THEMIS: variants seen among roughly 807,000 people sequenced by gnomAD.
THEMIS encodes thymocyte selection associated, also known as protein THEMIS.
In THEMIS, 37 loss-of-function variants were observed where a neutral mutation model predicts 52.6. That is an observed-to-expected ratio of 0.70 (90% CI 0.54 to 0.93). THEMIS has a LOEUF of 0.93. THEMIS is among the 40% of genes least tolerant of loss of function. THEMIS has a pLI of 0.00. For missense variants in THEMIS, 808 were observed against 763.1 expected (o/e 1.06, Z -0.69); for synonymous variants, 292 against 272.7 (o/e 1.07, Z -0.70).
At chr6:127,898,302 G>C (rs1355290804) in intron 1 of THEMIS, among the ~76,000 whole-genome samples, 1 of 64,378 alleles carries the variant, frequency 1.6e-5, no homozygotes, top group Non-Finnish European at 2.7e-5. Context: ...GACACATAGA[G>C]GGACACTACA....
chr6:127,807,250 A>T (rs1777746144), intron 4 of THEMIS: 1 of 202,392 alleles, frequency 4.9e-6, no homozygotes, highest in African/African-American at 2.4e-5. Context: ...AATCCCAGCT[A>T]CGTGGGAGGC....
downstream of THEMIS, among the ~76,000 whole-genome samples, chr6:127,703,209 G>T (rs759019579): frequency 1.9e-4 from 28 of 151,192 alleles, 1 homozygote; most frequent in African/African-American, 6.8e-4. Flanking sequence ...CACTACGCCC[G>T]GCTAATTTTT....
At chr6:127,776,382 C>T (rs548320018) in intron 4 of THEMIS, among the ~76,000 whole-genome samples, 1 of 152,314 alleles carries the variant, frequency 6.6e-6, no homozygotes, top group Non-Finnish European at 1.5e-5. Context: ...ACTACAGCTT[C>T]TGTCTTAGAT....
At chr6:127,821,207 A>G (rs77044914) in intron 3 of THEMIS, among the ~76,000 whole-genome samples, 2,846 of 151,846 alleles carry the variant, frequency 0.019, 96 homozygotes, top group African/African-American at 0.065. Flanking sequence ...AAATTTTTTA[A>G]ACAAGCATTT....
At chr6:127,774,895 C>T (rs1015567864) in intron 4 of THEMIS, among the ~76,000 whole-genome samples, 12 of 152,082 alleles carry the variant, frequency 7.9e-5, no homozygotes, top group African/African-American at 2.9e-4. Flanking sequence ...GATCAGAAGA[C>T]CATCAAATAA....
intron 4 of THEMIS, among the ~76,000 whole-genome samples, chr6:127,796,164 A>G (rs557501452): frequency 2.6e-5 from 4 of 152,320 alleles, no homozygotes; most frequent in Admixed American, 2.6e-4. Context: ...ATTTTAATGC[A>G]TTTGATTTAT....
chr6:127,860,148 C>A (rs1013567697), intron 1 of THEMIS, among the ~76,000 whole-genome samples: 3 of 152,058 alleles, frequency 2.0e-5, no homozygotes, highest in African/African-American at 7.2e-5. Context: ...TTTATATGGC[C>A]AGTCTTCCAC....
intron 2 of THEMIS, among the ~76,000 whole-genome samples, chr6:127,850,482 G>A (rs1029137021): frequency 6.6e-6 from 1 of 151,724 alleles, no homozygotes; most frequent in African/African-American, 2.4e-5. Context: ...ATATGGAACT[G>A]ACCTAACTGT....
chr6:127,837,116 GC>G (rs1778897295), intron 2 of THEMIS, among the ~76,000 whole-genome samples: 1 of 152,110 alleles, frequency 6.6e-6, no homozygotes, highest in South Asian at 2.1e-4. Flanking sequence ...CTGTCTGGCA[GC>G]CCTGGATATG....
intron 3 of THEMIS, among the ~76,000 whole-genome samples, chr6:127,814,214 T>C (rs560282068): frequency 2.6e-5 from 4 of 152,336 alleles, no homozygotes; most frequent in African/African-American, 9.6e-5. Context: ...TCACTTCTAC[T>C]GACGTACGAT....
chr6:127,889,103 T>C (rs1351633827), intron 1 of THEMIS, among the ~76,000 whole-genome samples: 1 of 152,126 alleles, frequency 6.6e-6, no homozygotes, highest in African/African-American at 2.4e-5. Flanking sequence ...CTGCTAATTA[T>C]AGTCACTTAG....
At chr6:127,856,500 C>T (rs966184655) in intron 1 of THEMIS, among the ~76,000 whole-genome samples, 5 of 151,950 alleles carry the variant, frequency 3.3e-5, no homozygotes, top group South Asian at 2.1e-4. Flanking sequence ...CTGCCAGAAG[C>T]CAGAGGACAA....
At chr6:127,697,155 T>C in the THEMIS span, among the ~76,000 whole-genome samples, 1 of 152,108 alleles carries the variant, frequency 6.6e-6, no homozygotes, top group Non-Finnish European at 1.5e-5. Flanking sequence ...CTGAGAATAA[T>C]TCCCAAATCA....
intron 4 of THEMIS, among the ~76,000 whole-genome samples, chr6:127,736,310 GTCTC>G (rs935857621): frequency 1.3e-5 from 2 of 152,164 alleles, no homozygotes; most frequent in Non-Finnish European, 2.9e-5. Context: ...AAGTATAGTT[GTCTC>G]TCTCACACAC....
At chr6:127,784,704 G>A (rs796229986) in intron 4 of THEMIS, among the ~76,000 whole-genome samples, 8 of 152,272 alleles carry the variant, frequency 5.3e-5, no homozygotes, top group African/African-American at 1.9e-4. Flanking sequence ...ATGGAACTGT[G>A]AATGTACTAC....
At chr6:127,892,497 G>T (rs1212405892) in intron 1 of THEMIS, among the ~76,000 whole-genome samples, 3 of 152,160 alleles carry the variant, frequency 2.0e-5, no homozygotes, top group African/African-American at 7.2e-5. Context: ...AGCTCCGAGA[G>T]GGGAGGGCTT....
chr6:127,849,420 G>A (rs141171980), intron 2 of THEMIS, among the ~76,000 whole-genome samples: 2,852 of 151,714 alleles, frequency 0.019, 97 homozygotes, highest in African/African-American at 0.066. Flanking sequence ...CTCTTTTTTG[G>A]TACCATATGA....
chr6:127,776,904 T>C (rs1431357734), intron 4 of THEMIS, among the ~76,000 whole-genome samples: 4 of 152,194 alleles, frequency 2.6e-5, no homozygotes, highest in Non-Finnish European at 5.9e-5. Context: ...TTGATCATTA[T>C]TGTTATAAAA....
chr6:127,800,374 C>T (rs191229781), intron 4 of THEMIS, among the ~76,000 whole-genome samples: 96 of 152,284 alleles, frequency 6.3e-4, no homozygotes, highest in African/African-American at 2.2e-3. Context: ...TCTCAAAGGA[C>T]ATTATTTATC....
Sources: gnomAD v4.1 joint callset for allele counts (sites outside exome capture counted in the v4.1 genomes callset) on GRCh38, gnomAD v4.1.1 for gene constraint, MANE v1.5 for transcripts, NCBI Gene and HGNC (gene_info 2026-07-23, HGNC 2026-07-21) for gene names.